Variants in NR2F6 observed in about 807,000 individuals in gnomAD.
NR2F6 encodes ERBA-related gene-2.
NR2F6 carries 16 observed loss-of-function variants against 26.5 expected under a neutral mutation model. The observed-to-expected ratio is 0.60, with a 90% CI of 0.41 to 0.92. The LOEUF (loss-of-function observed/expected upper bound fraction) is 0.92, where lower values mean the gene tolerates loss of function less well. Among genes scored for constraint, NR2F6 ranks in the 40% least tolerant of loss-of-function variants. NR2F6 has a pLI of 0.00. For synonymous variants in NR2F6, 325 were observed against 305.0 expected, an observed-to-expected ratio of 1.07 and a Z score of -0.68; for missense variants, 536 against 631.7, an observed-to-expected ratio of 0.85 and a Z score of 1.62.
At chr19:17,237,436 A>G (rs1425473784) in intron 2 of NR2F6, among the ~76,000 whole-genome samples, 5 of 143,164 alleles carry the variant, frequency 3.5e-5, no homozygotes, top group Non-Finnish European at 7.5e-5. Context: ...TTTTTGAGAT[A>G]GAGTTCTGCT....
chr19:17,239,055 T>C (rs1430932299), intron 2 of NR2F6, among the ~76,000 whole-genome samples: 1 of 151,332 alleles, frequency 6.6e-6, no homozygotes, highest in African/African-American at 2.4e-5. Context: ...ATACAAAAAT[T>C]AGGCCAGGCG....
intron 2 of NR2F6, among the ~76,000 whole-genome samples, chr19:17,238,126 C>T (rs545245137): frequency 1.3e-5 from 2 of 152,162 alleles, no homozygotes; most frequent in Admixed American, 1.3e-4. Flanking sequence ...AGTGAGACCC[C>T]GTCTCAAAAA....
intron 1 of NR2F6, among the ~76,000 whole-genome samples, chr19:17,243,709 C>T: frequency 6.6e-6 from 1 of 152,216 alleles, no homozygotes; most frequent in East Asian, 1.9e-4. Context: ...AAACTCCACC[C>T]TCGGGTACCT....
chr19:17,243,010 T>C, intron 1 of NR2F6, among the ~76,000 whole-genome samples: 1 of 152,304 alleles, frequency 6.6e-6, no homozygotes, highest in East Asian at 1.9e-4. Context: ...TCAGCCAGCA[T>C]TTCAGGCCCA....
chr19:17,241,035 G>A (rs1383336626), intron 1 of NR2F6, among the ~76,000 whole-genome samples: 1 of 152,212 alleles, frequency 6.6e-6, no homozygotes, highest in Non-Finnish European at 1.5e-5. Context: ...TTTGAAGGAT[G>A]AATAGGAGTT....
At chr19:17,233,059 A>G (rs1201491139) in intron 3 of NR2F6, among the ~76,000 whole-genome samples, 1 of 152,134 alleles carries the variant, frequency 6.6e-6, no homozygotes, top group African/African-American at 2.4e-5. Flanking sequence ...TAATGGGAGG[A>G]TCGCTTGAGC....
intron 3 of NR2F6, among the ~76,000 whole-genome samples, chr19:17,233,582 C>T (rs1226235692): frequency 2.0e-5 from 3 of 152,156 alleles, no homozygotes; most frequent in African/African-American, 7.2e-5. Context: ...ACTGCAACCT[C>T]TGCCTCCGGG....
In NR2F6 at chr19:17,234,997, G is replaced by A. The variant is rs541785136; in HGVS notation, c.940+502C>T. 3.9e-5 allele frequency among the ~76,000 whole-genome samples: 6 copies of A among 152,376 alleles called. No individual in the cohort carries two copies. In the South Asian group the frequency reaches 1.2e-3, roughly 32 times the overall value. On this transcript the variant is annotated intron_variant, in intron 3 of 3. Coordinates refer to ENST00000291442, the MANE Select transcript of NR2F6 (RefSeq NM_005234.4). ...TCTGGGGTTGCCCCGCCCCTCAACG[G>A]GAGGGGCCTCCGAGCCACGCCCCTA...
chr19:17,240,580 A>G, intron 2 of NR2F6, 91 bp downstream of exon 2: 2 of 1,208,772 alleles, frequency 1.7e-6, no homozygotes, highest in South Asian at 1.5e-5. Flanking sequence ...GAGGGGTGAA[A>G]GGGAGGGGAA....
chr19:17,243,578 G>A (rs1349632089), intron 1 of NR2F6, among the ~76,000 whole-genome samples: 3 of 152,026 alleles, frequency 2.0e-5, no homozygotes, highest in Non-Finnish European at 4.4e-5. Flanking sequence ...GAGAGCAGGC[G>A]GTTTTCCAGC....
At chr19:17,234,772 T>C (rs1184966400) in intron 3 of NR2F6, among the ~76,000 whole-genome samples, 1 of 151,836 alleles carries the variant, frequency 6.6e-6, no homozygotes, top group Non-Finnish European at 1.5e-5. Flanking sequence ...TGAGGGAGGA[T>C]TGCTTGAGCC....
intron 2 of NR2F6, among the ~76,000 whole-genome samples, chr19:17,237,560 T>C (rs1206971670): frequency 6.6e-6 from 1 of 152,042 alleles, no homozygotes; most frequent in African/African-American, 2.4e-5. Context: ...TAGAGGCACC[T>C]GCCACCACGC....
Position 17,232,297 on chromosome 19 carries a change from T to C in NR2F6, c.*55A>G. ...GGCCCCTCGAGGCCTCAGCATTCCC[T>C]GTCCCTTGAGGTCTGTCTGCAGGCC... On this transcript the variant is annotated 3_prime_UTR_variant, in exon 4 of 4. Transcript: ENST00000291442. The C allele has an allele frequency of 6.2e-7, 1 of 1,608,658 alleles. No individual in the cohort carries two copies. Among genetic ancestry groups the C allele is most frequent in the South Asian group, 1.1e-5 (1 of 90,580 alleles).
In NR2F6 at chr19:17,244,927, C is replaced by G. The variant is rs905624623; in HGVS notation, c.278+16G>C. ...GGGCGGGGTGCACGGCGGCGGCGCG[C>G]GGATGGGGGGCTCACCGGCAGGTGT... On this transcript the variant is annotated intron_variant, in intron 1 of 3. Coordinates refer to ENST00000291442, the MANE Select transcript of NR2F6 (RefSeq NM_005234.4). The G allele has an allele frequency of 1.3e-6, 2 of 1,560,706 alleles. No homozygotes were observed. Among genetic ancestry groups the G allele is most frequent in the African/African-American group, 2.7e-5 (2 of 73,896 alleles).
rs2073411174 is a variant in NR2F6 at position 17,232,229 on chromosome 19, A to G, written c.*123T>C. On this transcript the variant is annotated 3_prime_UTR_variant, in exon 4 of 4. Transcript: ENST00000291442. ...GACAAACATTTCACAGTCTTTAAAA[A>G]ATAGAAGTCTGAGGAGAGAAGCCAG... The G allele has an allele frequency of 7.6e-7, 1 of 1,307,454 alleles. No homozygotes were observed. Among genetic ancestry groups the G allele is most frequent in the African/African-American group, 1.5e-5 (1 of 66,948 alleles). 81.0% of individuals were successfully genotyped at this position (1,307,454 alleles called of 1,614,324 possible).
At position 17,237,653 on chromosome 19, in the gene NR2F6, G is replaced by A. The variant is rs547349160; in HGVS notation, c.374-1588C>T. 7.2e-5 allele frequency among the ~76,000 whole-genome samples: 11 copies of A among 152,076 alleles called. No homozygotes were observed. The East Asian group carries it at 2.1e-3, about 29-fold the overall frequency. On this transcript the variant is annotated intron_variant, in intron 2 of 3. Coordinates refer to ENST00000291442, the MANE Select transcript of NR2F6 (RefSeq NM_005234.4). ...TCTCAATCTCCTGACCTCGTGATCT[G>A]CCCACCTCGGCCTCCCAAAGTGCTG...
intron 2 of NR2F6, among the ~76,000 whole-genome samples, chr19:17,237,115 G>A (rs545326748): frequency 6.8e-4 from 103 of 152,214 alleles, no homozygotes; most frequent in African/African-American, 2.5e-3. Flanking sequence ...AGGGGAACGC[G>A]AGCAGAAGCC....
rs1224296089 is a variant in NR2F6 at position 17,244,829 on chromosome 19, G to A, written c.278+114C>T. ...GGTGCTGTGCCCCTATCTCAGAGGG[G>A]GCAGTGGAGGCCCAGGGAAGGTCAG... On this transcript the variant is annotated intron_variant, in intron 1 of 3. Coordinates refer to ENST00000291442, the MANE Select transcript of NR2F6 (RefSeq NM_005234.4). 1.5e-5 allele frequency: 19 copies of A among 1,256,894 alleles called. No individual in the cohort carries two copies. The Admixed American group carries it at 2.5e-4, about 16-fold the overall frequency. The allele number at this position is 1,256,894 out of a possible 1,614,324, so 77.9% of individuals were successfully genotyped here.
chr19:17,239,917 C>T (rs1031131110), intron 2 of NR2F6, among the ~76,000 whole-genome samples: 67 of 152,296 alleles, frequency 4.4e-4, no homozygotes, highest in African/African-American at 1.4e-3. Flanking sequence ...GCCTGGCCCA[C>T]GACACAGTCC....
Sources: gnomAD v4.1 joint callset for allele counts (sites outside exome capture counted in the v4.1 genomes callset) on GRCh38, gnomAD v4.1.1 for gene constraint, MANE v1.5 for transcripts, NCBI Gene and HGNC (gene_info 2026-07-23, HGNC 2026-07-21) for gene names.